DUSP4: variants seen among roughly 807,000 people sequenced by gnomAD.
DUSP4 encodes the protein dual specificity phosphatase 4.
In DUSP4, 12 loss-of-function variants were observed where a neutral mutation model predicts 27.2. The ratio of observed to expected loss-of-function variants is 0.44; its 90% confidence interval spans 0.28 to 0.71. The LOEUF (loss-of-function observed/expected upper bound fraction) is 0.71, where lower values mean the gene tolerates loss of function less well. Among genes scored for constraint, DUSP4 ranks in the 30% least tolerant of loss-of-function variants. DUSP4 has a pLI of 0.14. For synonymous variants in DUSP4, 257 were observed against 245.2 expected (o/e 1.05, Z -0.45); for missense variants, 448 against 551.3 (o/e 0.81, Z 1.88).
At chr8:29,338,526 C>T (rs747618423) in intron 2 of DUSP4, 25 bp from the exon 3 acceptor site, 1 of 1,604,238 alleles carries the variant, frequency 6.2e-7, no homozygotes, top group Non-Finnish European at 8.5e-7. Context: ...AAACAAAGGC[C>T]CCTGAATGAC....
chr8:29,345,259 T>A, intron 1 of DUSP4: 1 of 1,297,114 alleles, frequency 7.7e-7, no homozygotes, highest in Non-Finnish European at 1.1e-6. Context: ...AGTCTGGGGT[T>A]GTTTGAAGGC....
intron 1 of DUSP4, among the ~76,000 whole-genome samples, chr8:29,349,330 A>G (rs1817787239): frequency 6.6e-6 from 1 of 152,172 alleles, no homozygotes. Flanking sequence ...GTGCAACCCA[A>G]TCTCCCTTTC....
In DUSP4 at chr8:29,340,101, G is replaced by T. The variant is rs776842897; in HGVS notation, c.576C>A (p.Asp192Glu). ...AAGCCCTGCCCCCCGAGTCTACCTG[G>T]TCGTGTAGTGGGGTCCCACAGGAGC... ...GCSSCGTPLH[D>E]QGGPVEILPF... The change falls in exon 2 of 4, where the codon GAC (aspartate) becomes GAA (glutamate). Residue 192 changes from aspartate (D) to glutamate (E), a missense_variant. This residue lies in a region of DUSP4 where 345 missense variants were observed against 394.0 expected (regional missense o/e 0.88). Transcript: ENST00000240100. The T allele has an allele frequency of 6.4e-7, 1 of 1,568,838 alleles. No individual in the cohort carries two copies. The highest frequency in any genetic ancestry group is 8.6e-7 in the Non-Finnish European group (1 of 1,156,608).
At chr8:29,347,881 A>C in intron 1 of DUSP4, 1 of 985,596 alleles carries the variant, frequency 1.0e-6, no homozygotes, top group Non-Finnish European at 1.2e-6. Flanking sequence ...GAGGTTGGGG[A>C]GGGAGGACTC....
rs1563864946 is a variant in DUSP4, at chr8:29,349,970, C to G, written c.309G>C (p.Ser103=). 3.2e-6 allele frequency: 5 copies of G among 1,582,306 alleles called. No homozygotes were observed. The highest frequency in any genetic ancestry group is 1.8e-5 in the Admixed American group (1 of 56,328). ...VRARLRSGLY[S]AVIVYDERSP... ...TGCGCTCGTCGTAGACGATGACCGC[C>G]GAGTAGAGGCCGGAGCGCAAGCGGG... The change falls in exon 1 of 4, where the codon TCG becomes TCC. Residue 103 remains serine (S), a synonymous_variant. Coordinates refer to ENST00000240100, the MANE Select transcript of DUSP4 (RefSeq NM_001394.7).
In DUSP4 at chr8:29,338,272, G is replaced by T; in HGVS notation, c.799+10C>A. The T allele has an allele frequency of 6.2e-7, 1 of 1,614,062 alleles. No homozygotes were observed. The highest frequency in any genetic ancestry group is 8.5e-7 in the Non-Finnish European group (1 of 1,179,952). ...TCAAACCCAGGAACCCCAGAGCAGG[G>T]CCAGCCTACCGATGTACTCTATGGC... On this transcript the variant is annotated intron_variant, in intron 3 of 3. Coordinates refer to ENST00000240100, the MANE Select transcript of DUSP4 (RefSeq NM_001394.7).
Position 29,349,938 on chromosome 8 carries a change from C to A in DUSP4, c.341G>T (p.Arg114Leu). Residue 114 changes from arginine to leucine, a missense_variant, in exon 1 of 4, where the codon CGC (arginine) becomes CTC (leucine). Around this residue, in one of 3 missense-constraint regions of DUSP4, gnomAD observed 345 missense variants for 394.0 expected, o/e 0.88. Coordinates refer to ENST00000240100, the MANE Select transcript of DUSP4 (RefSeq NM_001394.7). ...AVIVYDERSP[R>L]AESLREDSTV... ...GCTGTCCTCGCGGAGGCTCTCGGCG[C>A]GCGGGCTGCGCTCGTCGTAGACGAT... is the stretch of plus-strand genomic sequence containing the variant. 2 of 1,594,150 alleles carry A rather than the reference C, an allele frequency of 1.3e-6. No individual in the cohort carries two copies. Among genetic ancestry groups the A allele is most frequent in the Non-Finnish European group, 1.7e-6 (2 of 1,174,576 alleles).
Position 29,337,498 on chromosome 8 carries a change from G to T in DUSP4, c.800-87C>A. 6.7e-7 allele frequency: 1 copy of T among 1,499,466 alleles called. No individual in the cohort carries two copies. Among genetic ancestry groups the T allele is most frequent in the Admixed American group, 2.2e-5 (1 of 45,534 alleles). 92.9% of individuals were successfully genotyped at this position (1,499,466 alleles called of 1,614,324 possible). On this transcript the variant is annotated intron_variant, in intron 3 of 3. Transcript: ENST00000240100. The surrounding 1 kb of genome is among the most constrained non-coding windows in gnomAD (Gnocchi z 6.4). Reference sequence around the variant, plus strand: ...ACCGGCCAGCCCCTGGGGTCGGGGGGCTCTGAAGGAAGGACTAGCCGTGCT... The same window carrying T: ...ACCGGCCAGCCCCTGGGGTCGGGGGTCTCTGAAGGAAGGACTAGCCGTGCT...
chr8:29,344,656 T>C (rs1817701397), intron 1 of DUSP4, among the ~76,000 whole-genome samples: 1 of 152,176 alleles, frequency 6.6e-6, no homozygotes, highest in African/African-American at 2.4e-5. Flanking sequence ...TTAGTGGAAA[T>C]GAGGACCCCT....
chr8:29,340,117 C>T lies in DUSP4; in HGVS notation c.560G>A (p.Gly187Glu). 1.3e-6 allele frequency: 2 copies of T among 1,583,314 alleles called. No individual in the cohort carries two copies. The highest frequency in any genetic ancestry group is 1.7e-6 in the Non-Finnish European group (2 of 1,164,266). Reference sequence around the variant, plus strand: ...GTCTACCTGGTCGTGTAGTGGGGTCCCACAGGAGCTGCAGCCCAGGTCCAA... The same window carrying T: ...GTCTACCTGGTCGTGTAGTGGGGTCTCACAGGAGCTGCAGCCCAGGTCCAA... ...EPLDLGCSSC[G>E]TPLHDQGGPV... Residue 187 changes from glycine (G) to glutamate (E), a missense_variant, in exon 2 of 4, where the codon GGG becomes GAG. Coordinates refer to ENST00000240100, the MANE Select transcript of DUSP4 (RefSeq NM_001394.7).
At chr8:29,339,880 A>T (rs1012559806) in intron 2 of DUSP4, among the ~76,000 whole-genome samples, 8 of 142,418 alleles carry the variant, frequency 5.6e-5, no homozygotes, top group African/African-American at 1.8e-4. Context: ...CAGGCATGGT[A>T]GTGCCACCTG....
Position 29,337,338 on chromosome 8 carries a change from G to T in DUSP4, c.873C>A (p.Cys291Ter). The change falls in exon 4 of 4, where the codon TGC (cysteine) becomes TGA (stop). Residue 291 changes from cysteine to a stop codon, truncating the protein, a stop_gained. Transcript: ENST00000240100. LOFTEE classifies it high-confidence loss of function. The surrounding 1 kb of genome is among the most constrained non-coding windows in gnomAD (Gnocchi z 6.4). ...GTTTCTTCATCATCAGGTAGGCCAG[G>T]CAGATGGTGGCCGACCGCGAGATGC... ...QAGISRSATI[C>*]LAYLMMKKRV... 6.2e-7 allele frequency: 1 copy of T among 1,612,018 alleles called. No individual in the cohort carries two copies. The highest frequency in any genetic ancestry group is 1.1e-5 in the South Asian group (1 of 91,086).
intron 1 of DUSP4, chr8:29,348,869 G>GGCGGAGGCGCAGCGCGGC: frequency 3.4e-6 from 3 of 894,858 alleles, no homozygotes; most frequent in Non-Finnish European, 4.0e-6. Context: ...GGCGGCGGGA[G>GGCGGAGGCGCAGCGCGGC]GCGGAGGCGC....
In DUSP4 at chr8:29,343,490, A is replaced by G. The variant is rs145405851; in HGVS notation, c.434-3247T>C. ...TCCACCCCCCACAGGGCCATGCCCC[A>G]GTAAGTCATCTCTGGGTGTCAGTCT... On this transcript the variant is annotated intron_variant, in intron 1 of 3. Coordinates refer to ENST00000240100, the MANE Select transcript of DUSP4 (RefSeq NM_001394.7). 1.2e-3 allele frequency among the ~76,000 whole-genome samples: 183 copies of G among 152,326 alleles called. 1 individual carries two copies. Among genetic ancestry groups the G allele is most frequent in the African/African-American group, 4.3e-3 (177 of 41,572 alleles).
In DUSP4 at chr8:29,342,372, A is replaced by G. The variant is rs75842424; in HGVS notation, c.434-2129T>C. Among the ~76,000 whole-genome samples the G allele has an allele frequency of 7.3e-4, 111 of 152,102 alleles. 1 individual carries two copies. The East Asian group carries it at 0.021, about 29-fold the overall frequency. ...ATGAAAGTCCCCTGCACAAAGGCCT[A>G]TGAGGACTGGTTCTGACAGCCAGGC... On this transcript the variant is annotated intron_variant, in intron 1 of 3. Coordinates refer to ENST00000240100, the MANE Select transcript of DUSP4 (RefSeq NM_001394.7).
rs966794052 is a variant in DUSP4, at chr8:29,346,059, G to C, written c.433+3787C>G. On this transcript the variant is annotated intron_variant, in intron 1 of 3. Coordinates refer to ENST00000240100, the MANE Select transcript of DUSP4 (RefSeq NM_001394.7). ...GCCCTCCTGGGGAACTGAAGACAGA[G>C]AGAGCAATGGTGGGGCTAGAGAGAG... 4.1e-6 allele frequency: 4 copies of C among 985,048 alleles called. No individual in the cohort carries two copies. In the African/African-American group the frequency reaches 5.3e-5, roughly 13 times the overall value. 61.0% of individuals were successfully genotyped at this position (985,048 alleles called of 1,614,324 possible).
chr8:29,348,619 T>G (rs1265602895), intron 1 of DUSP4: 1 of 985,274 alleles, frequency 1.0e-6, no homozygotes, highest in African/African-American at 1.7e-5. Context: ...CGAACCCGGC[T>G]CCTCCGCACT....
rs1250967317 is a variant in DUSP4 at position 29,335,397 on chromosome 8, A to AC, written c.*1628dup. 1 of 151,842 alleles carries AC rather than the reference A, an allele frequency of 6.6e-6. No homozygotes were observed. The highest frequency in any genetic ancestry group is 1.5e-5 in the Non-Finnish European group (1 of 67,978). 9.4% of individuals were successfully genotyped at this position (151,842 alleles called of 1,614,324 possible). ...CTCACCAGCAGTCAGCCCCAACCCCACCCTGGCGCTTTGATTTCCAGTTTG... is the reference window on the plus strand; with the variant it reads ...CTCACCAGCAGTCAGCCCCAACCCCACCCCTGGCGCTTTGATTTCCAGTTTG... On this transcript the variant is annotated 3_prime_UTR_variant, in exon 4 of 4. Coordinates refer to ENST00000240100, the MANE Select transcript of DUSP4 (RefSeq NM_001394.7).
chr8:29,342,516 A>T (rs1022676750), intron 1 of DUSP4, among the ~76,000 whole-genome samples: 11 of 152,184 alleles, frequency 7.2e-5, no homozygotes, highest in African/African-American at 2.7e-4. Flanking sequence ...AACCGGGGAC[A>T]GGGTAATGCT....
Sources: allele counts gnomAD v4.1 joint callset (sites outside exome capture counted in the v4.1 genomes callset), GRCh38; gene constraint gnomAD v4.1.1; regional missense constraint gnomAD v4.1.1; non-coding constraint Gnocchi (gnomAD v3.1); transcripts MANE v1.5; gene names NCBI Gene and HGNC (gene_info 2026-07-23, HGNC 2026-07-21).